The following BTBD16 variants were observed in gnomAD, a reference collection of about 807,000 sequenced individuals.
The protein encoded by BTBD16 is BTB/POZ domain-containing protein 16.
In BTBD16, 66 loss-of-function variants were observed where a neutral mutation model predicts 67.4. The observed-to-expected ratio is 0.98, with a 90% CI of 0.80 to 1.20. BTBD16 has a LOEUF of 1.20. BTBD16 is among the 50% of genes most tolerant of loss of function. The pLI is 0.00. For missense variants in BTBD16, 634 were observed against 616.0 expected (o/e 1.03, Z -0.31); for synonymous variants, 242 against 236.4 (o/e 1.02, Z -0.22).
At chr10:122,326,461 T>C (rs988896472) in intron 10 of BTBD16, among the ~76,000 whole-genome samples, 2 of 152,294 alleles carry the variant, frequency 1.3e-5, no homozygotes, top group African/African-American at 4.8e-5. Context: ...GCTTACTGCT[T>C]CCAGGTTCAT....
At chr10:122,335,005 T>C (rs1224355013) in intron 14 of BTBD16, 26 bp downstream of exon 14, 1 of 1,127,316 alleles carries the variant, frequency 8.9e-7, no homozygotes, top group African/African-American at 1.6e-5. Context: ...ATGAAAGTTA[T>C]GTCTCTGAGA....
At chr10:122,273,230 AT>A (rs2096333034) in intron 1 of BTBD16, among the ~76,000 whole-genome samples, 2 of 147,844 alleles carry the variant, frequency 1.4e-5, no homozygotes. Context: ...AGATATATAT[AT>A]ATATATATAT....
At chr10:122,317,803 A>G (rs954121533) in intron 10 of BTBD16, among the ~76,000 whole-genome samples, 1 of 152,214 alleles carries the variant, frequency 6.6e-6, no homozygotes, top group Non-Finnish European at 1.5e-5. Flanking sequence ...AGGGGCAATG[A>G]CACCCATGAA....
At chr10:122,277,064 CCTCT>C in intron 3 of BTBD16, 125 bp downstream of exon 3, 3 of 1,120,382 alleles carry the variant, frequency 2.7e-6, no homozygotes, top group South Asian at 1.9e-5. Flanking sequence ...AGGAAGGCTC[CCTCT>C]GGAGCCAGCT....
intron 10 of BTBD16, among the ~76,000 whole-genome samples, chr10:122,313,485 G>A (rs1054556513): frequency 4.0e-5 from 6 of 150,384 alleles, no homozygotes; most frequent in Admixed American, 1.3e-4. Flanking sequence ...GGCTGGTCTC[G>A]AACTCCTGAC....
In BTBD16 at chr10:122,283,800, G is replaced by GA. The variant is rs772957533; in HGVS notation, c.168-46dup. Reference sequence around the variant, plus strand: ...TAGAATAATGCATGTTGTAGTTGGAGAAAAATGTCAGTATTAACTCCTGGA... The same window carrying GA: ...TAGAATAATGCATGTTGTAGTTGGAGAAAAAATGTCAGTATTAACTCCTGGA... On this transcript the variant is annotated intron_variant, in intron 3 of 15. Coordinates refer to ENST00000260723, the MANE Select transcript of BTBD16 (RefSeq NM_144587.5). 4.2e-6 allele frequency: 6 copies of GA among 1,420,802 alleles called. No homozygotes were observed. The East Asian group carries it at 1.1e-4, about 27-fold the overall frequency. The allele number at this position is 1,420,802 out of a possible 1,614,324, so 88.0% of individuals were successfully genotyped here.
chr10:122,335,263 T>C (rs1381544359), intron 14 of BTBD16, among the ~76,000 whole-genome samples: 2 of 152,358 alleles, frequency 1.3e-5, no homozygotes, highest in Non-Finnish European at 1.5e-5. Context: ...TAGTCTTCTA[T>C]CTCTACATGT....
chr10:122,329,718 G>A, intron 11 of BTBD16, 147 bp downstream of exon 11: 2 of 654,274 alleles, frequency 3.1e-6, no homozygotes, highest in Non-Finnish European at 5.3e-6. Context: ...TGTGACTTCG[G>A]GAAAGTCATG....
At chr10:122,275,583 A>G (rs570312148) in intron 2 of BTBD16, among the ~76,000 whole-genome samples, 1 of 152,338 alleles carries the variant, frequency 6.6e-6, no homozygotes, top group South Asian at 2.1e-4. Flanking sequence ...AACTTGCTCA[A>G]GGTCACACAA....
In BTBD16 at chr10:122,338,109, ATT is replaced by A; in HGVS notation, c.*27_*28del. ...GACAGTTTCCAGAAGAATCTATGGG[ATT>A]TTCCCCCCACTGGTCTGCATAAAAG... On this transcript the variant is annotated 3_prime_UTR_variant, in exon 16 of 16. Coordinates refer to ENST00000260723, the MANE Select transcript of BTBD16 (RefSeq NM_144587.5). 6.5e-7 allele frequency: 1 copy of A among 1,539,936 alleles called. No homozygotes were observed. Among genetic ancestry groups the A allele is most frequent in the Non-Finnish European group, 9.0e-7 (1 of 1,113,226 alleles).
At chr10:122,314,549 A>G (rs1436502379) in intron 10 of BTBD16, among the ~76,000 whole-genome samples, 1 of 152,230 alleles carries the variant, frequency 6.6e-6, no homozygotes, top group Non-Finnish European at 1.5e-5. Flanking sequence ...ATAAAATTTA[A>G]TAGTTTATTG....
chr10:122,329,593 C>T (rs546991614), intron 11 of BTBD16, 22 bp downstream of exon 11: 12 of 1,606,510 alleles, frequency 7.5e-6, no homozygotes, highest in African/African-American at 5.3e-5. Flanking sequence ...TCCAGGCGAG[C>T]GCATCCACGG....
intron 1 of BTBD16, among the ~76,000 whole-genome samples, chr10:122,274,236 C>G (rs1043348906): frequency 6.6e-6 from 1 of 152,206 alleles, no homozygotes; most frequent in Non-Finnish European, 1.5e-5. Flanking sequence ...CCTCAGGGGC[C>G]AAAGAGTGGG....
intron 1 of BTBD16, among the ~76,000 whole-genome samples, chr10:122,273,229 T>G (rs866387675): frequency 0.014 from 2,099 of 146,774 alleles, 70 homozygotes; most frequent in African/African-American, 0.049. Context: ...AAGATATATA[T>G]ATATATATAT....
intron 6 of BTBD16, 62 bp downstream of exon 6, chr10:122,290,060 A>G: frequency 8.5e-7 from 1 of 1,178,122 alleles, no homozygotes; most frequent in Non-Finnish European, 1.2e-6. Context: ...CCCAGATTTA[A>G]AAATGCACAA....
rs140815607 is a variant in BTBD16 at position 122,276,900 on chromosome 10, T to C, written c.128T>C (p.Leu43Pro). The change falls in exon 3 of 16, where the codon CTG becomes CCG. Residue 43 changes from leucine (L) to proline (P), a missense_variant. Transcript: ENST00000260723. Reference sequence around the variant, plus strand: ...TCACTTTCCCAGATGTGCAAGGCTCTGAGCATAGACTTTGAGGAAGCTTTG... The same window carrying C: ...TCACTTTCCCAGATGTGCAAGGCTCCGAGCATAGACTTTGAGGAAGCTTTG... ...LLSLSQMCKALSIDFEEALRN... is the reference protein window; with the variant it reads ...LLSLSQMCKAPSIDFEEALRN... 2.5e-5 allele frequency: 40 copies of C among 1,614,118 alleles called. No individual in the cohort carries two copies. The African/African-American group carries it at 4.5e-4, about 18-fold the overall frequency.
At chr10:122,286,713 A>G (rs1353181255) in intron 5 of BTBD16, among the ~76,000 whole-genome samples, 3 of 152,024 alleles carry the variant, frequency 2.0e-5, no homozygotes, top group Admixed American at 6.5e-5. Context: ...GTGTGCATCT[A>G]TTTTGTTGTT....
chr10:122,283,747 T>A, intron 3 of BTBD16, 104 bp from the exon 4 acceptor site: 1 of 858,404 alleles, frequency 1.2e-6, no homozygotes, highest in South Asian at 1.5e-5. Context: ...ATTAGCTTGA[T>A]CAATGGGTGC....
chr10:122,297,578 C>T (rs1025278327), intron 7 of BTBD16, among the ~76,000 whole-genome samples, 190 bp from the exon 8 acceptor site: 1 of 152,254 alleles, frequency 6.6e-6, no homozygotes, highest in Non-Finnish European at 1.5e-5. Flanking sequence ...CCTCATCTCC[C>T]AGCCCAGAGC....
Sources: gnomAD v4.1 joint callset for allele counts (sites outside exome capture counted in the v4.1 genomes callset) on GRCh38, gnomAD v4.1.1 for gene constraint, MANE v1.5 for transcripts, NCBI Gene and HGNC (gene_info 2026-07-23, HGNC 2026-07-21) for gene names.